Variants in NTRK3 observed in about 807,000 individuals in gnomAD.
NTRK3 encodes the protein neurotrophic receptor tyrosine kinase 3.
Under a neutral mutation model 91.7 loss-of-function variants are expected in NTRK3, and 24 were observed. The ratio of observed to expected loss-of-function variants is 0.26; its 90% CI spans 0.19 to 0.37. The LOEUF (loss-of-function observed/expected upper bound fraction) is 0.37, where lower values mean the gene tolerates loss of function less well. Ranked by LOEUF, NTRK3 falls within the 10% of genes least tolerant of loss-of-function variation. The pLI is 1.00. For missense variants in NTRK3, 880 were observed against 1,068.9 expected (o/e 0.82, Z 2.46); for synonymous variants, 483 against 404.0 (o/e 1.20, Z -2.34).
At chr15:88,002,138 G>T (rs1199971691) in intron 14 of NTRK3, among the ~76,000 whole-genome samples, 5 of 147,910 alleles carry the variant, frequency 3.4e-5, no homozygotes, top group African/African-American at 1.3e-4. Context: ...GTATTGTAAA[G>T]GGATTTTCTC....
rs1298393873 is a variant in NTRK3, at chr15:88,194,763, G to C, written c.249-10464C>G. Among the ~76,000 whole-genome samples, 3 of 152,136 alleles carry C rather than the reference G, an allele frequency of 2.0e-5. No homozygotes were observed. In the South Asian group the frequency reaches 6.2e-4, roughly 32 times the overall value. The stretch of plus-strand genomic sequence containing the variant: ...GCACTTGGACTTGGGGGAAAATTCT[G>C]ACTCCACCATGACCAGCAGGATCCT... On this transcript the variant is annotated intron_variant, in intron 3 of 18. Transcript: ENST00000394480.
At chr15:88,042,264 C>G (rs906706019) in intron 13 of NTRK3, among the ~76,000 whole-genome samples, 31 of 152,190 alleles carry the variant, frequency 2.0e-4, no homozygotes, top group Non-Finnish European at 3.8e-4. Context: ...TAAAAAGAGG[C>G]TGGTCCTCAG....
At chr15:87,918,201 C>G (rs887225804) in intron 17 of NTRK3, among the ~76,000 whole-genome samples, 2 of 152,094 alleles carry the variant, frequency 1.3e-5, no homozygotes, top group Non-Finnish European at 1.5e-5. Flanking sequence ...AATGGCCTGC[C>G]TTTATGGTCT....
intron 17 of NTRK3, among the ~76,000 whole-genome samples, chr15:87,911,553 G>T (rs1457535505): frequency 6.6e-6 from 1 of 152,190 alleles, no homozygotes; most frequent in Non-Finnish European, 1.5e-5. Context: ...GCAGCACTGT[G>T]CTTCACCACC....
intron 13 of NTRK3, among the ~76,000 whole-genome samples, chr15:88,091,560 G>A (rs761853632): frequency 3.3e-5 from 5 of 152,122 alleles, no homozygotes; most frequent in Non-Finnish European, 7.4e-5. Flanking sequence ...TCTGCTGTAC[G>A]CACAAGGGTA....
chr15:88,099,285 G>A (rs777416025), intron 13 of NTRK3: 34 of 221,416 alleles, frequency 1.5e-4, no homozygotes, highest in Non-Finnish European at 2.8e-4. Context: ...CTTTGGAAGG[G>A]AAAAGGAAAA....
intron 3 of NTRK3, among the ~76,000 whole-genome samples, chr15:88,245,587 G>C (rs546596733): frequency 6.6e-6 from 1 of 152,172 alleles, no homozygotes; most frequent in Non-Finnish European, 1.5e-5. Flanking sequence ...AAATGAGCTA[G>C]AGGCGGAGAG....
intron 14 of NTRK3, chr15:87,981,415 C>A: frequency 6.2e-7 from 1 of 1,611,594 alleles, no homozygotes; most frequent in Non-Finnish European, 8.5e-7. Context: ...ACCCCAAGTG[C>A]AAAAAACATG....
intron 3 of NTRK3, among the ~76,000 whole-genome samples, chr15:88,220,142 G>T (rs1559825): frequency 0.78 from 118,388 of 152,030 alleles, 48,179 homozygotes; most frequent in East Asian, 0.98. Flanking sequence ...ATGAAATAAA[G>T]AAATGAAAAA....
At chr15:88,031,437 G>C (rs1290474151) in intron 14 of NTRK3, among the ~76,000 whole-genome samples, 1 of 152,226 alleles carries the variant, frequency 6.6e-6, no homozygotes, top group Non-Finnish European at 1.5e-5. Flanking sequence ...ACCCAGGCCA[G>C]TCCTGGGGTG....
intron 13 of NTRK3, among the ~76,000 whole-genome samples, chr15:88,094,878 G>T: frequency 6.6e-6 from 1 of 152,224 alleles, no homozygotes; most frequent in Non-Finnish European, 1.5e-5. Context: ...AAATTAAGCT[G>T]TTTTAACTCC....
chr15:88,113,042 A>G (rs542624081), intron 13 of NTRK3, among the ~76,000 whole-genome samples: 1 of 152,244 alleles, frequency 6.6e-6, no homozygotes, highest in Admixed American at 6.5e-5. Flanking sequence ...CCAGAAAGTA[A>G]CAGAACTGTG....
At chr15:88,207,645 A>G (rs1183431639) in intron 3 of NTRK3, among the ~76,000 whole-genome samples, 1 of 152,224 alleles carries the variant, frequency 6.6e-6, no homozygotes, top group African/African-American at 2.4e-5. Context: ...AGTACCAACC[A>G]TGCGACAGTA....
exon 17 of NTRK3, chr15:87,929,273 T>C (rs2141911429): frequency 1.2e-6 from 2 of 1,614,182 alleles, no homozygotes; most frequent in Non-Finnish European, 1.7e-6. Context: ...AACCAGGCAG[T>C]TCCTGGTGGC....
chr15:88,205,626 T>A (rs2048683407), intron 3 of NTRK3, among the ~76,000 whole-genome samples: 1 of 152,162 alleles, frequency 6.6e-6, no homozygotes, highest in African/African-American at 2.4e-5. Context: ...ACAGCCCGCT[T>A]CTGAACAAGG....
At chr15:87,936,125 G>A (rs922501896) in intron 15 of NTRK3, among the ~76,000 whole-genome samples, 30 of 152,130 alleles carry the variant, frequency 2.0e-4, no homozygotes, top group African/African-American at 7.2e-4. Flanking sequence ...TCATGTCTGG[G>A]AAACCTCAAA....
intron 13 of NTRK3, among the ~76,000 whole-genome samples, chr15:88,068,788 A>G (rs1381111): frequency 0.39 from 59,862 of 151,760 alleles, 11,986 homozygotes; most frequent in Non-Finnish European, 0.42. Flanking sequence ...GCAAGGAGGG[A>G]GCAGATTTTG....
At chr15:88,176,367 C>A (rs1016712326) in intron 5 of NTRK3, among the ~76,000 whole-genome samples, 1 of 152,158 alleles carries the variant, frequency 6.6e-6, no homozygotes, top group African/African-American at 2.4e-5. Flanking sequence ...GATCTCTTGA[C>A]CTCATCATCC....
intron 9 of NTRK3, 99 bp from the exon 10 acceptor site, chr15:88,135,496 C>T (rs4887371): frequency 2.7e-5 from 37 of 1,363,370 alleles, no homozygotes; most frequent in Non-Finnish European, 3.4e-5. Context: ...TTCTTCCCCA[C>T]CCACTCTGAA....
Sources: gnomAD v4.1 joint callset for allele counts (sites outside exome capture counted in the v4.1 genomes callset) on GRCh38, gnomAD v4.1.1 for gene constraint, MANE v1.5 for transcripts, NCBI Gene and HGNC (gene_info 2026-07-23, HGNC 2026-07-21) for gene names.